Variants in CNTNAP5 observed in about 807,000 individuals in gnomAD.
The protein encoded by CNTNAP5 is contactin-associated protein-like 5.
CNTNAP5 carries 72 observed loss-of-function variants against 150.2 expected under a neutral mutation model. The ratio of observed to expected loss-of-function variants is 0.48; its 90% CI spans 0.40 to 0.58. The LOEUF is 0.58. CNTNAP5 is among the 20% of genes least tolerant of loss of function. CNTNAP5 has a pLI of 0.00. For missense variants in CNTNAP5, 1,636 were observed against 1,626.2 expected (o/e 1.01, Z -0.10); for synonymous variants, 672 against 619.8 (o/e 1.08, Z -1.25).
intron 13 of CNTNAP5, among the ~76,000 whole-genome samples, chr2:124,712,286 G>A (rs1436287707): frequency 1.3e-5 from 2 of 152,182 alleles, no homozygotes; most frequent in South Asian, 2.1e-4. Flanking sequence ...GCTGTTCTAA[G>A]CATTTACTTG....
chr2:124,728,703 G>A (rs1680210037), intron 13 of CNTNAP5, among the ~76,000 whole-genome samples: 1 of 151,956 alleles, frequency 6.6e-6, no homozygotes, highest in Non-Finnish European at 1.5e-5. Context: ...GGTAATATTT[G>A]TAATAAATAT....
At position 124,103,026 on chromosome 2, in the gene CNTNAP5, C is replaced by T. The variant is rs1683097940; in HGVS notation, c.82+77294C>T. 2.0e-5 allele frequency among the ~76,000 whole-genome samples: 3 copies of T among 152,142 alleles called. No homozygotes were observed. In the South Asian group the frequency reaches 6.2e-4, roughly 31 times the overall value. ...ATGGACCACATATACAACGGTGTTT[C>T]TGCAAGATTATAACAGAGCTGGAAA... On this transcript the variant is annotated intron_variant, in intron 1 of 23. Transcript: ENST00000682447.
At chr2:124,644,995 CACA>C (rs1439801142) in intron 12 of CNTNAP5, among the ~76,000 whole-genome samples, 1 of 152,124 alleles carries the variant, frequency 6.6e-6, no homozygotes, top group Non-Finnish European at 1.5e-5. Context: ...AAACCAGTAG[CACA>C]ACATTTAGTA....
At chr2:124,576,926 G>A (rs76362635) in intron 11 of CNTNAP5, among the ~76,000 whole-genome samples, 3,445 of 152,234 alleles carry the variant, frequency 0.023, 67 homozygotes, top group Middle Eastern at 0.13. Flanking sequence ...CCATCTGTGC[G>A]TAGCTTTTGG....
intron 8 of CNTNAP5, among the ~76,000 whole-genome samples, chr2:124,514,982 C>T: frequency 6.6e-6 from 1 of 152,154 alleles, no homozygotes; most frequent in South Asian, 2.1e-4. Flanking sequence ...TTCAAGTCTA[C>T]CAAGGAAACC....
Position 124,903,006 on chromosome 2 carries a change from G to T in CNTNAP5, c.3561G>T (p.Ala1187=). The T allele has an allele frequency of 6.2e-7, 1 of 1,611,454 alleles. No individual in the cohort carries two copies. The highest frequency in any genetic ancestry group is 8.5e-7 in the Non-Finnish European group (1 of 1,178,812). ...LKAALRHATV[A]PVTVHGTLTE... Reference sequence around the variant, plus strand: ...CTGCCCTGCGCCATGCCACTGTCGCGCCTGTGACTGTCCATGGGACCTTGA... The same window carrying T: ...CTGCCCTGCGCCATGCCACTGTCGCTCCTGTGACTGTCCATGGGACCTTGA... The change falls in exon 22 of 24, where the codon GCG becomes GCT. Residue 1187 remains alanine, a synonymous_variant. Coordinates refer to ENST00000682447, the MANE Select transcript of CNTNAP5 (RefSeq NM_001367498.1).
chr2:124,077,755 A>G (rs1682472050), intron 1 of CNTNAP5, among the ~76,000 whole-genome samples: 1 of 152,218 alleles, frequency 6.6e-6, no homozygotes, highest in African/African-American at 2.4e-5. Context: ...TACCAGCTTT[A>G]TAGAAAGTAG....
intron 11 of CNTNAP5, among the ~76,000 whole-genome samples, chr2:124,606,967 C>G (rs1030226142): frequency 3.3e-5 from 5 of 152,146 alleles, no homozygotes; most frequent in African/African-American, 1.2e-4. Flanking sequence ...TGAAACAACA[C>G]TACTACTATT....
chr2:124,712,292 A>G (rs1341720219), intron 13 of CNTNAP5, among the ~76,000 whole-genome samples: 3 of 152,214 alleles, frequency 2.0e-5, no homozygotes, highest in Non-Finnish European at 4.4e-5. Context: ...CTAAGCATTT[A>G]CTTGTATTGC....
intron 18 of CNTNAP5, among the ~76,000 whole-genome samples, chr2:124,794,764 G>A (rs981570591): frequency 4.0e-5 from 6 of 151,774 alleles, no homozygotes; most frequent in Non-Finnish European, 7.4e-5. Flanking sequence ...TTATTTCATC[G>A]GTACACTCAC....
intron 11 of CNTNAP5, among the ~76,000 whole-genome samples, chr2:124,568,967 G>C (rs1696092438): frequency 6.6e-6 from 1 of 152,196 alleles, no homozygotes; most frequent in Admixed American, 6.5e-5. Context: ...AGAATGGCAT[G>C]AGCCTGGGAG....
intron 1 of CNTNAP5, among the ~76,000 whole-genome samples, chr2:124,118,700 C>T (rs911009592): frequency 6.6e-6 from 1 of 152,168 alleles, no homozygotes; most frequent in African/African-American, 2.4e-5. Flanking sequence ...CAGAGAGAGA[C>T]ACGTAAGGGA....
rs766550372 is a variant in CNTNAP5, at chr2:124,504,316, G to A, written c.1087G>A (p.Glu363Lys). ...TVGNVTFSCS[E>K]PQIVPITFVN... is the part of the protein sequence containing the mutation. The stretch of plus-strand genomic sequence containing the variant: ...GGGCAATGTCACTTTTTCCTGCTCC[G>A]AACCACAGATTGTGCCCATCACATT... Residue 363 changes from glutamate (E) to lysine (K), a missense_variant, in exon 8 of 24, where the codon GAA (glutamate) becomes AAA (lysine). Coordinates refer to ENST00000682447, the MANE Select transcript of CNTNAP5 (RefSeq NM_001367498.1). The A allele has an allele frequency of 1.1e-5, 18 of 1,613,274 alleles. No homozygotes were observed. The highest frequency in any genetic ancestry group is 1.5e-5 in the Non-Finnish European group (18 of 1,179,418).
Position 124,568,479 on chromosome 2 carries a change from T to C in CNTNAP5, c.1756+5156T>C, listed in dbSNP as rs897293025. ...ATTCCTGAAGGCCAAATGAGATTCC[T>C]ATAAAGCACTTTCCCCTAGAGAATA... On this transcript the variant is annotated intron_variant, in intron 11 of 23. Coordinates refer to ENST00000682447, the MANE Select transcript of CNTNAP5 (RefSeq NM_001367498.1). 2.6e-5 allele frequency among the ~76,000 whole-genome samples: 4 copies of C among 152,226 alleles called. No homozygotes were observed. In the East Asian group the frequency reaches 7.7e-4, roughly 29 times the overall value.
intron 3 of CNTNAP5, among the ~76,000 whole-genome samples, chr2:124,406,951 A>T (rs1215463627): frequency 6.6e-6 from 1 of 152,190 alleles, no homozygotes; most frequent in African/African-American, 2.4e-5. Context: ...AGACATGTGA[A>T]GCTTGTCTTT....
At chr2:124,484,870 C>T (rs1019435499) in intron 7 of CNTNAP5, among the ~76,000 whole-genome samples, 3 of 152,184 alleles carry the variant, frequency 2.0e-5, no homozygotes, top group Non-Finnish European at 4.4e-5. Flanking sequence ...AGCCCAAGAA[C>T]TCCAGGTTAA....
chr2:124,704,062 C>T (rs1442851224), intron 13 of CNTNAP5, among the ~76,000 whole-genome samples: 1 of 152,084 alleles, frequency 6.6e-6, no homozygotes, highest in East Asian at 1.9e-4. Context: ...TTATTTTTTC[C>T]TGTTGTGGCA....
intron 10 of CNTNAP5, among the ~76,000 whole-genome samples, chr2:124,552,121 G>A (rs776484141): frequency 2.2e-4 from 34 of 152,124 alleles, no homozygotes; most frequent in Non-Finnish European, 4.3e-4. Flanking sequence ...AATAATGAAT[G>A]GTGATCATGA....
At chr2:124,216,622 G>A (rs936757678) in intron 1 of CNTNAP5, among the ~76,000 whole-genome samples, 2 of 152,026 alleles carry the variant, frequency 1.3e-5, no homozygotes, top group Non-Finnish European at 2.9e-5. Context: ...TCCCACCTAT[G>A]AGTGAGAACA....
Sources: gnomAD v4.1 joint callset for allele counts (sites outside exome capture counted in the v4.1 genomes callset) on GRCh38, gnomAD v4.1.1 for gene constraint, MANE v1.5 for transcripts, NCBI Gene and HGNC (gene_info 2026-07-23, HGNC 2026-07-21) for gene names.